Variants in C8orf88 observed in about 807,000 individuals in gnomAD.
C8orf88 encodes the protein uncharacterized protein C8orf88.
Under a neutral mutation model 18.4 loss-of-function variants are expected in C8orf88, and 14 were observed. The observed-to-expected ratio is 0.76, with a 90% CI of 0.50 to 1.19. C8orf88 has a LOEUF of 1.19. C8orf88 is among the 50% of genes most tolerant of loss of function. C8orf88 has a pLI of 0.00. For synonymous variants in C8orf88, 45 were observed against 42.9 expected (o/e 1.05, Z -0.19); for missense variants, 116 against 134.7 (o/e 0.86, Z 0.69).
At chr8:90,970,399 C>T (rs1378879967) in intron 4 of C8orf88, among the ~76,000 whole-genome samples, 1 of 151,876 alleles carries the variant, frequency 6.6e-6, no homozygotes, top group Non-Finnish European at 1.5e-5. Context: ...AACTTTTAAA[C>T]TACATACATT....
rs559844602 is a variant in C8orf88 at position 90,968,822 on chromosome 8, T to C, written c.223+2244A>G. 6.6e-5 allele frequency among the ~76,000 whole-genome samples: 10 copies of C among 150,760 alleles called. No homozygotes were observed. The South Asian group carries it at 8.4e-4, about 13-fold the overall frequency. On this transcript the variant is annotated intron_variant, in intron 4 of 5. Transcript: ENST00000517562. ...CCCAGTTAAAATATTGTTAAACAAC[T>C]TGAATAAAGCATTTATCCAAAAAAG...
At chr8:90,959,124 G>T in intron 5 of C8orf88, 94 bp from the exon 6 acceptor site, 1 of 545,758 alleles carries the variant, frequency 1.8e-6, no homozygotes, top group Non-Finnish European at 3.1e-6. Flanking sequence ...CGTACCAGGT[G>T]TTTACAGATT....
intron 1 of C8orf88, among the ~76,000 whole-genome samples, chr8:90,981,885 T>C (rs1811440097): frequency 1.3e-5 from 2 of 152,126 alleles, no homozygotes; most frequent in South Asian, 2.1e-4. Flanking sequence ...CCAGAAATAA[T>C]TGTAACCATA....
In C8orf88 at chr8:90,958,577, C is replaced by G. The variant is rs1037264397; in HGVS notation, c.*430G>C. 1.8e-5 allele frequency: 3 copies of G among 165,584 alleles called. No homozygotes were observed. Among genetic ancestry groups the G allele is most frequent in the Non-Finnish European group, 3.9e-5 (3 of 77,712 alleles). The allele number at this position is 165,584 out of a possible 1,614,324, so 10.3% of individuals were successfully genotyped here. A position where few individuals can be genotyped will look rare whatever the true frequency, so the allele number is the denominator to read the frequency against. ...ATCCATTCATGAGCTGGTATGAAAT[C>G]AGTGGGAAGCAGAACAACAGAAGGA... On this transcript the variant is annotated 3_prime_UTR_variant, in exon 6 of 6. Transcript: ENST00000517562.
chr8:90,971,881 T>TACCA (rs1410329737), intron 3 of C8orf88, among the ~76,000 whole-genome samples: 1 of 151,730 alleles, frequency 6.6e-6, no homozygotes, highest in Non-Finnish European at 1.5e-5. Context: ...ATACCAGCTG[T>TACCA]ACCAATAAGA....
chr8:90,967,490 A>C (rs1215713049), intron 4 of C8orf88, among the ~76,000 whole-genome samples: 2 of 151,740 alleles, frequency 1.3e-5, no homozygotes, highest in East Asian at 3.9e-4. Context: ...TTGTTCTTCA[A>C]GTGTTTAGTA....
At chr8:90,971,691 T>C (rs992550784) in intron 3 of C8orf88, among the ~76,000 whole-genome samples, 2 of 151,918 alleles carry the variant, frequency 1.3e-5, no homozygotes, top group Non-Finnish European at 2.9e-5. Context: ...AGAGACGCCT[T>C]AGTGCAGAGT....
At chr8:90,975,638 C>T (rs1811337472) in intron 3 of C8orf88, among the ~76,000 whole-genome samples, 1 of 152,038 alleles carries the variant, frequency 6.6e-6, no homozygotes, top group Non-Finnish European at 1.5e-5. Flanking sequence ...AAAAGATTGA[C>T]CATTCTAATG....
intron 1 of C8orf88, among the ~76,000 whole-genome samples, chr8:90,982,780 A>C (rs890313522): frequency 2.0e-5 from 3 of 152,078 alleles, no homozygotes; most frequent in Admixed American, 6.5e-5. Context: ...TTTAAAGTAA[A>C]CGATGCCTGC....
At chr8:90,970,123 C>T (rs1811262544) in intron 4 of C8orf88, among the ~76,000 whole-genome samples, 1 of 151,822 alleles carries the variant, frequency 6.6e-6, no homozygotes, top group South Asian at 2.1e-4. Flanking sequence ...AGATGTGCAC[C>T]TCTTGGCTAA....
intron 5 of C8orf88, among the ~76,000 whole-genome samples, 168 bp downstream of exon 5, chr8:90,960,572 CAG>C (rs1430654932): frequency 4.6e-5 from 7 of 151,092 alleles, no homozygotes; most frequent in Non-Finnish European, 8.9e-5. Context: ...ATTTTTTGAA[CAG>C]AGTTACTTTA....
At chr8:90,966,613 C>A (rs1486845946) in intron 4 of C8orf88, among the ~76,000 whole-genome samples, 2 of 145,598 alleles carry the variant, frequency 1.4e-5, no homozygotes, top group Non-Finnish European at 3.0e-5. Context: ...AACTAAAAAA[C>A]CTTTACCAAG....
intron 1 of C8orf88, among the ~76,000 whole-genome samples, chr8:90,982,204 A>G (rs2740772): frequency 0.48 from 73,164 of 151,856 alleles, 20,642 homozygotes; most frequent in Non-Finnish European, 0.64. Context: ...CTTTTTGTGC[A>G]ATACAATTGG....
In C8orf88 at chr8:90,958,840, G is replaced by A. The variant is rs1811079769; in HGVS notation, c.*167C>T. On this transcript the variant is annotated 3_prime_UTR_variant, in exon 6 of 6. Coordinates refer to ENST00000517562, the MANE Select transcript of C8orf88 (RefSeq NM_001190972.2). Reference sequence around the variant, plus strand: ...CCTCCTGCAAAGCTGAAACTGATTAGAAAATTCTTTATATTTTAAAATAGC... The same window carrying A: ...CCTCCTGCAAAGCTGAAACTGATTAAAAAATTCTTTATATTTTAAAATAGC... The A allele has an allele frequency of 4.2e-6, 2 of 471,212 alleles. No individual in the cohort carries two copies. Among genetic ancestry groups the A allele is most frequent in the Non-Finnish European group, 7.1e-6 (2 of 281,346 alleles). 29.2% of individuals were successfully genotyped at this position (471,212 alleles called of 1,614,324 possible).
intron 1 of C8orf88, among the ~76,000 whole-genome samples, 160 bp downstream of exon 1, chr8:90,984,954 T>C (rs1356464429): frequency 6.6e-6 from 1 of 152,126 alleles, no homozygotes; most frequent in Non-Finnish European, 1.5e-5. Context: ...CACAGGGTAC[T>C]GAAGGGGCCC....
intron 3 of C8orf88, among the ~76,000 whole-genome samples, chr8:90,977,851 G>T (rs1811373747): frequency 6.6e-6 from 1 of 152,164 alleles, no homozygotes. Flanking sequence ...GGAGGCTGAA[G>T]CAGGAGAATC....
chr8:90,970,154 CATA>C (rs1283691397), intron 4 of C8orf88, among the ~76,000 whole-genome samples: 1 of 151,914 alleles, frequency 6.6e-6, no homozygotes, highest in Non-Finnish European at 1.5e-5. Context: ...TTTACACAGT[CATA>C]GTAGTATAAA....
intron 1 of C8orf88, among the ~76,000 whole-genome samples, chr8:90,984,852 C>T (rs1272040155): frequency 6.6e-6 from 1 of 152,136 alleles, no homozygotes; most frequent in Non-Finnish European, 1.5e-5. Context: ...TTGGTCTCGG[C>T]CACTTGCCCC....
intron 3 of C8orf88, among the ~76,000 whole-genome samples, chr8:90,975,495 G>C (rs1811335530): frequency 6.6e-6 from 1 of 151,854 alleles, no homozygotes; most frequent in African/African-American, 2.4e-5. Flanking sequence ...TTTTTTTAAA[G>C]AAAGAAAAAC....
Sources: allele counts gnomAD v4.1 joint callset (sites outside exome capture counted in the v4.1 genomes callset), GRCh38; gene constraint gnomAD v4.1.1; transcripts MANE v1.5; gene names NCBI Gene and HGNC (gene_info 2026-07-23, HGNC 2026-07-21).